NCKAP5: variants seen among roughly 807,000 people sequenced by gnomAD.
NCKAP5 encodes NCK associated protein 5, also known as nck-associated protein 5.
In NCKAP5, 92 loss-of-function variants were observed where a neutral mutation model predicts 167.0. That is an observed-to-expected ratio of 0.55 (90% confidence interval 0.47 to 0.66). The LOEUF (loss-of-function observed/expected upper bound fraction) is 0.66, where lower values mean the gene tolerates loss of function less well. NCKAP5 is among the 30% of genes least tolerant of loss of function. NCKAP5 has a pLI of 0.00. For missense variants in NCKAP5, 2,378 were observed against 2,315.0 expected (o/e 1.03, Z -0.56); for synonymous variants, 891 against 877.4 (o/e 1.02, Z -0.27).
At chr2:132,931,085 C>G (rs1405818840) in intron 8 of NCKAP5, 1 of 152,162 alleles carries the variant, frequency 6.6e-6, no homozygotes, top group African/African-American at 2.4e-5. Context: ...CCTCTGGCTA[C>G]CCTGACTTTT....
chr2:133,343,825 G>C (rs1371234856), intron 3 of NCKAP5, among the ~76,000 whole-genome samples: 1 of 152,330 alleles, frequency 6.6e-6, no homozygotes, highest in African/African-American at 2.4e-5. Flanking sequence ...ACAAGCTTGG[G>C]AGTCGGAAGG....
At chr2:132,692,829 A>G (rs1686902180) in intron 19 of NCKAP5, among the ~76,000 whole-genome samples, 1 of 152,212 alleles carries the variant, frequency 6.6e-6, no homozygotes, top group African/African-American at 2.4e-5. Flanking sequence ...GAAATTCTCC[A>G]TGATCTATTC....
chr2:133,119,155 C>A (rs987027834), intron 6 of NCKAP5: 1 of 152,136 alleles, frequency 6.6e-6, no homozygotes, highest in Non-Finnish European at 1.5e-5. Flanking sequence ...AGGTGACTGC[C>A]ACTATGCCAG....
At chr2:132,951,157 CT>C (rs546407590) in intron 8 of NCKAP5, among the ~76,000 whole-genome samples, 86 of 152,276 alleles carry the variant, frequency 5.6e-4, no homozygotes, top group African/African-American at 2.1e-3. Context: ...GCTGTATCTT[CT>C]TTAGAAACAC....
At chr2:132,860,395 T>C (rs754706727) in intron 11 of NCKAP5, 97 bp downstream of exon 11, 1 of 1,326,814 alleles carries the variant, frequency 7.5e-7, no homozygotes, top group Non-Finnish European at 1.0e-6. Flanking sequence ...TGATGCAATA[T>C]GCCTTGCTCA....
At chr2:133,378,911 G>A (rs1686332304) in intron 3 of NCKAP5, among the ~76,000 whole-genome samples, 1 of 152,200 alleles carries the variant, frequency 6.6e-6, no homozygotes, top group Non-Finnish European at 1.5e-5. Flanking sequence ...CCCTGCCAAT[G>A]TGTATGTGGG....
intron 19 of NCKAP5, among the ~76,000 whole-genome samples, chr2:132,693,482 C>G (rs1016653342): frequency 2.0e-5 from 3 of 151,916 alleles, no homozygotes; most frequent in African/African-American, 7.3e-5. Flanking sequence ...GAGAGCTGTG[C>G]GGCTGCAAAC....
At chr2:133,665,379 T>C in the NCKAP5 span, among the ~76,000 whole-genome samples, 2 of 152,196 alleles carry the variant, frequency 1.3e-5, no homozygotes, top group East Asian at 3.8e-4. Flanking sequence ...CTAATTTCAA[T>C]ACTGTTGTGT....
intron 11 of NCKAP5, among the ~76,000 whole-genome samples, chr2:132,821,749 TC>T (rs1215724492): frequency 6.6e-6 from 1 of 151,888 alleles, no homozygotes; most frequent in Non-Finnish European, 1.5e-5. Context: ...GGTGAGGCTA[TC>T]CCCCACTTCC....
At chr2:132,864,452 G>C (rs1343762805) in intron 10 of NCKAP5, among the ~76,000 whole-genome samples, 1 of 152,132 alleles carries the variant, frequency 6.6e-6, no homozygotes, top group African/African-American at 2.4e-5. Flanking sequence ...AGAGACTTAA[G>C]AGATTACAGC....
chr2:133,128,073 T>G (rs1259978880), intron 6 of NCKAP5, among the ~76,000 whole-genome samples: 1 of 152,144 alleles, frequency 6.6e-6, no homozygotes, highest in African/African-American at 2.4e-5. Context: ...ATGAGGTAAA[T>G]TATCTGGAGG....
chr2:133,158,358 C>T (rs1559205142), intron 5 of NCKAP5, among the ~76,000 whole-genome samples: 1 of 152,182 alleles, frequency 6.6e-6, no homozygotes, highest in Non-Finnish European at 1.5e-5. Context: ...GATAATTACA[C>T]ATTTTCTTCC....
intron 3 of NCKAP5, among the ~76,000 whole-genome samples, chr2:133,505,077 A>G (rs753475491): frequency 6.6e-6 from 1 of 152,170 alleles, no homozygotes; most frequent in Non-Finnish European, 1.5e-5. Context: ...ACAGGGAGTC[A>G]TTGTACCTGT....
At chr2:132,876,205 C>G (rs188731414) in intron 9 of NCKAP5, among the ~76,000 whole-genome samples, 117 of 152,222 alleles carry the variant, frequency 7.7e-4, no homozygotes, top group African/African-American at 2.6e-3. Context: ...CTACCTCAGC[C>G]TCCCAAATAG....
chr2:133,201,472 G>A (rs116418949), intron 5 of NCKAP5, among the ~76,000 whole-genome samples: 1 of 152,118 alleles, frequency 6.6e-6, no homozygotes, highest in Non-Finnish European at 1.5e-5. Context: ...AGTACACACT[G>A]TAAACATTTA....
intron 4 of NCKAP5, among the ~76,000 whole-genome samples, chr2:133,216,724 T>C (rs1411359334): frequency 6.6e-6 from 1 of 152,084 alleles, no homozygotes; most frequent in African/African-American, 2.4e-5. Flanking sequence ...AGATAATACA[T>C]AATGTTTAAA....
chr2:132,927,407 A>G (rs1282829554), intron 8 of NCKAP5, among the ~76,000 whole-genome samples: 2 of 151,760 alleles, frequency 1.3e-5, no homozygotes, highest in African/African-American at 2.4e-5. Flanking sequence ...GAAAAATGAC[A>G]TTGGTATTTT....
chr2:133,055,133 C>T (rs1290279260), intron 6 of NCKAP5, among the ~76,000 whole-genome samples: 3 of 152,020 alleles, frequency 2.0e-5, no homozygotes, highest in Non-Finnish European at 2.9e-5. Context: ...GTGTTGTTCT[C>T]TAAGAGTCTT....
rs567996054 is a variant in NCKAP5, at chr2:133,452,256, C to T, written c.69+65202G>A. On this transcript the variant is annotated intron_variant, in intron 3 of 19. Transcript: ENST00000409261. ...CTGAAGGGCATCCCTGCTCCAAAGA[C>T]AAGGGAGAATTTGAAGGACCAAAGC... is the stretch of plus-strand genomic sequence containing the variant. Among the ~76,000 whole-genome samples the T allele has an allele frequency of 6.6e-5, 10 of 152,208 alleles. 1 individual carries two copies. In the East Asian group the frequency reaches 1.7e-3, roughly 27 times the overall value.
Sources: gnomAD v4.1 joint callset for allele counts (sites outside exome capture counted in the v4.1 genomes callset) on GRCh38, gnomAD v4.1.1 for gene constraint, MANE v1.5 for transcripts, NCBI Gene and HGNC (gene_info 2026-07-23, HGNC 2026-07-21) for gene names.